CDH23: variants seen among roughly 807,000 people sequenced by gnomAD.
CDH23 encodes the protein cadherin-23.
A neutral mutation model predicts 317.1 loss-of-function variants in CDH23; 189 were observed. The ratio of observed to expected loss-of-function variants is 0.60; its 90% confidence interval spans 0.53 to 0.67. The LOEUF (loss-of-function observed/expected upper bound fraction) is 0.67. Among genes scored for constraint, CDH23 ranks in the 30% least tolerant of loss-of-function variants. The pLI is 0.00. For synonymous variants in CDH23, 1,839 were observed against 1,876.8 expected, an observed-to-expected ratio of 0.98 and a Z score of 0.52; for missense variants, 4,401 against 4,592.4, an observed-to-expected ratio of 0.96 and a Z score of 1.20.
chr10:71,719,295 G>C (rs1589369842), intron 28 of CDH23, among the ~76,000 whole-genome samples: 2 of 152,280 alleles, frequency 1.3e-5, no homozygotes, highest in East Asian at 3.9e-4. Context: ...ACCAAGGCCA[G>C]GAATCATCTG....
At position 71,485,509 on chromosome 10, in the gene CDH23, A is replaced by T. The variant is rs541375538; in HGVS notation, c.146-24573A>T. 4.6e-5 allele frequency among the ~76,000 whole-genome samples: 7 copies of T among 152,200 alleles called. No individual in the cohort carries two copies. In the South Asian group the frequency reaches 1.5e-3, roughly 32 times the overall value. On this transcript the variant is annotated intron_variant, in intron 3 of 69. Coordinates refer to ENST00000224721, the MANE Select transcript of CDH23 (RefSeq NM_022124.6). ...TTCCAGGCAGGTGCAAGGGAGGAGGAGCTGAAAGCTCTTTGTTTGAGAGGA... is the reference window on the plus strand; with the variant it reads ...TTCCAGGCAGGTGCAAGGGAGGAGGTGCTGAAAGCTCTTTGTTTGAGAGGA...
At chr10:71,600,378 A>G (rs1337917662) in intron 9 of CDH23, among the ~76,000 whole-genome samples, 1 of 152,130 alleles carries the variant, frequency 6.6e-6, no homozygotes. Context: ...TCTGTGGTCA[A>G]ATAAGTTAGA....
chr10:71,616,816 C>T (rs930331503), intron 10 of CDH23, among the ~76,000 whole-genome samples: 5 of 152,180 alleles, frequency 3.3e-5, no homozygotes, highest in African/African-American at 1.2e-4. Context: ...GATTAACCAC[C>T]AGCACAAACA....
At chr10:71,680,764 GAA>G (rs1280248961) in intron 17 of CDH23, among the ~76,000 whole-genome samples, 8 of 62,208 alleles carry the variant, frequency 1.3e-4, no homozygotes, top group Admixed American at 2.6e-4. Flanking sequence ...AAAAAAAAAA[GAA>G]AAAGAAATTG....
At position 71,702,697 on chromosome 10, in the gene CDH23, G is replaced by A. The variant is rs777483132; in HGVS notation, c.2733+3G>A. ...CGGCGGGGGTCTCCATCTACCAAGT[G>A]AGTCTCTATCATCTCATTCCTACCA... is the stretch of plus-strand genomic sequence containing the variant. On this transcript the variant is annotated splice_donor_region_variant and intron_variant, in intron 24 of 69. Transcript: ENST00000224721. The A allele has an allele frequency of 3.7e-6, 6 of 1,613,588 alleles. No individual in the cohort carries two copies. The South Asian group carries it at 5.5e-5, about 15-fold the overall frequency.
At chr10:71,634,957 C>A (rs1056222367) in intron 11 of CDH23, among the ~76,000 whole-genome samples, 1 of 152,208 alleles carries the variant, frequency 6.6e-6, no homozygotes, top group African/African-American at 2.4e-5. Context: ...TGCTCTAGTC[C>A]CTAGAGGTCC....
intron 55 of CDH23, 25 bp downstream of exon 55, chr10:71,803,445 G>C (rs752100855): frequency 1.3e-6 from 2 of 1,549,718 alleles, no homozygotes; most frequent in South Asian, 2.4e-5. Flanking sequence ...AGGGCCTCCT[G>C]CCCACCAGTA....
intron 56 of CDH23, 48 bp downstream of exon 56, chr10:71,806,045 C>A: frequency 6.5e-7 from 1 of 1,539,766 alleles, no homozygotes; most frequent in Non-Finnish European, 8.7e-7. Context: ...GCGGGGCTTT[C>A]TTCTGGGGGC....
chr10:71,562,801 C>A (rs1405373205), intron 6 of CDH23, among the ~76,000 whole-genome samples: 1 of 152,250 alleles, frequency 6.6e-6, no homozygotes, highest in Non-Finnish European at 1.5e-5. Flanking sequence ...CTGCTCCGCT[C>A]ACTGCAGGTG....
chr10:71,739,702 A>G lies in CDH23; in HGVS notation c.4418A>G (p.Asn1473Ser), dbSNP rs1653650223. Residue 1473 changes from asparagine to serine, a missense_variant, in exon 36 of 70, where the codon AAT (asparagine) becomes AGT (serine). Asn to Ser is a conservative substitution (Grantham distance 46, BLOSUM62 1). Transcript: ENST00000224721. ...IAGAFEIVTT[N>S]DSIGEVFVAR... Reference sequence around the variant, plus strand: ...GGGGCCTTTGAGATCGTCACCACCAATGACTCCATTGGCGAAGTGTTTGTG... The same window carrying G: ...GGGGCCTTTGAGATCGTCACCACCAGTGACTCCATTGGCGAAGTGTTTGTG... 6.2e-7 allele frequency: 1 copy of G among 1,613,546 alleles called. No individual in the cohort carries two copies. Among genetic ancestry groups the G allele is most frequent in the Non-Finnish European group, 8.5e-7 (1 of 1,179,722 alleles).
At chr10:71,791,488 A>G (rs1215106129) in intron 47 of CDH23, among the ~76,000 whole-genome samples, 153 bp downstream of exon 47, 3 of 152,138 alleles carry the variant, frequency 2.0e-5, no homozygotes, top group Non-Finnish European at 4.4e-5. Flanking sequence ...GGGAGTCAGG[A>G]GACCTGGGCC....
At chr10:71,512,332 G>T (rs908236493) in intron 6 of CDH23, 1 of 152,302 alleles carries the variant, frequency 6.6e-6, no homozygotes, top group African/African-American at 2.4e-5. Flanking sequence ...GGATGCAGCG[G>T]AGGCACCATG....
chr10:71,737,809 C>G (rs1223216107), intron 34 of CDH23: 1 of 467,768 alleles, frequency 2.1e-6, no homozygotes, highest in Non-Finnish European at 4.4e-6. Context: ...TCCTGCCTCT[C>G]CACAAGAAGC....
chr10:71,430,083 C>T (rs935406644), intron 1 of CDH23, among the ~76,000 whole-genome samples: 1 of 152,088 alleles, frequency 6.6e-6, no homozygotes. Flanking sequence ...ACAGGGAGAA[C>T]ACAGGGTGGG....
intron 6 of CDH23, among the ~76,000 whole-genome samples, chr10:71,539,505 A>C (rs75646400): frequency 6.6e-6 from 1 of 151,940 alleles, no homozygotes; most frequent in African/African-American, 2.4e-5. Flanking sequence ...TGTTAGACGC[A>C]TGTCAAGCCT....
intron 3 of CDH23, among the ~76,000 whole-genome samples, chr10:71,452,834 G>T (rs1474225831): frequency 6.6e-6 from 1 of 152,230 alleles, no homozygotes; most frequent in Non-Finnish European, 1.5e-5. Context: ...GGCACTTCAA[G>T]TGCATGGCCT....
chr10:71,537,479 G>A (rs117182079), intron 6 of CDH23, among the ~76,000 whole-genome samples: 3,774 of 152,262 alleles, frequency 0.025, 65 homozygotes, highest in Middle Eastern at 0.054. Context: ...ATTTTTCTTG[G>A]TATCACTGAT....
intron 11 of CDH23, among the ~76,000 whole-genome samples, chr10:71,620,062 A>T (rs1203369944): frequency 5.9e-5 from 9 of 152,236 alleles, no homozygotes; most frequent in African/African-American, 2.2e-4. Context: ...ACAGGTGGAC[A>T]GGGAAACCCT....
chr10:71,606,911 G>A (rs1199466580), intron 9 of CDH23, among the ~76,000 whole-genome samples: 1 of 152,102 alleles, frequency 6.6e-6, no homozygotes, highest in Non-Finnish European at 1.5e-5. Flanking sequence ...ATCCTTATGC[G>A]GCAGCAGACT....
Sources: gnomAD v4.1 joint callset for allele counts (sites outside exome capture counted in the v4.1 genomes callset) on GRCh38, gnomAD v4.1.1 for gene constraint, MANE v1.5 for transcripts, NCBI Gene and HGNC (gene_info 2026-07-23, HGNC 2026-07-21) for gene names.